Variants in HECW1 observed in about 807,000 individuals in gnomAD.
The protein encoded by HECW1 is HECT, C2 and WW domain containing E3 ubiquitin protein ligase 1.
HECW1 carries 61 observed loss-of-function variants against 182.3 expected under a neutral mutation model. The ratio of observed to expected loss-of-function variants is 0.33; its 90% CI spans 0.27 to 0.41. The LOEUF (loss-of-function observed/expected upper bound fraction) is 0.41, where lower values mean the gene tolerates loss of function less well. HECW1 is among the 10% of genes least tolerant of loss of function. HECW1 has a pLI of 1.00. For missense variants in HECW1, 1,739 were observed against 2,108.9 expected (o/e 0.82, Z 3.44); for synonymous variants, 859 against 832.6 (o/e 1.03, Z -0.55).
At chr7:43,524,623 G>A (rs1462570625) in intron 24 of HECW1, among the ~76,000 whole-genome samples, 2 of 152,188 alleles carry the variant, frequency 1.3e-5, no homozygotes, top group African/African-American at 4.8e-5. Context: ...AGGTAAGTAA[G>A]CAAATACTAA....
At chr7:43,468,275 C>T (rs1040472899) in intron 15 of HECW1, among the ~76,000 whole-genome samples, 2 of 152,174 alleles carry the variant, frequency 1.3e-5, no homozygotes, top group Non-Finnish European at 2.9e-5. Flanking sequence ...TAATGCTCCC[C>T]ATTTTAGACA....
intron 5 of HECW1, among the ~76,000 whole-genome samples, chr7:43,344,803 A>C (rs373127884): frequency 2.0e-5 from 3 of 151,950 alleles, no homozygotes. Flanking sequence ...TGTTAAACCT[A>C]TTCATTGAGT....
chr7:43,262,814 G>GC (rs531319482), intron 3 of HECW1, among the ~76,000 whole-genome samples: 207 of 152,182 alleles, frequency 1.4e-3, no homozygotes, highest in African/African-American at 4.7e-3. Flanking sequence ...TTGTCCATTT[G>GC]CACTTCCACC....
chr7:43,500,469 A>C lies in HECW1; in HGVS notation c.3438-230A>C, dbSNP rs2079301177. On this transcript the variant is annotated intron_variant, in intron 19 of 29. Transcript: ENST00000395891. ...ACTGTCTTAGCTACCTGAGGACCTA[A>C]CTTTGCTGTGTTCCTCAGCTTCTGT... 2.6e-5 allele frequency among the ~76,000 whole-genome samples: 4 copies of C among 152,064 alleles called. No individual in the cohort carries two copies. In the South Asian group the frequency reaches 6.2e-4, roughly 24 times the overall value.
In HECW1 at chr7:43,488,396, A is replaced by AG. The variant is rs1563045294; in HGVS notation, c.3235-3679_3235-3678insG. On this transcript the variant is annotated intron_variant, in intron 17 of 29. Coordinates refer to ENST00000395891, the MANE Select transcript of HECW1 (RefSeq NM_015052.5). ...GAAGGAAGGAAGGAAGGAAGGAAGGAAGGAAATGAAAGAAAGAGAGAGAGA... is the reference window on the plus strand; with the variant it reads ...GAAGGAAGGAAGGAAGGAAGGAAGGAGAGGAAATGAAAGAAAGAGAGAGAGA... Among the ~76,000 whole-genome samples, 161 of 82,732 alleles carry AG rather than the reference A, an allele frequency of 1.9e-3. 6 individuals are homozygous for AG. Among genetic ancestry groups the AG allele is most frequent in the Non-Finnish European group, 3.1e-3 (118 of 38,366 alleles). The allele number at this position is 82,732 out of a possible 152,430, so 54.3% of individuals were successfully genotyped here.
At position 43,509,241 on chromosome 7, in the gene HECW1, G is replaced by A. The variant is rs537266081; in HGVS notation, c.4019+120G>A. Reference sequence around the variant, plus strand: ...GCAGTGGCCAGATGTTATGAGGGATGAGAGTGAATGACAGAGTCCAAGAAG... The same window carrying A: ...GCAGTGGCCAGATGTTATGAGGGATAAGAGTGAATGACAGAGTCCAAGAAG... On this transcript the variant is annotated intron_variant, in intron 24 of 29. Transcript: ENST00000395891. The A allele has an allele frequency of 1.7e-5, 15 of 887,556 alleles. No homozygotes were observed. In the Admixed American group the frequency reaches 2.4e-4, roughly 14 times the overall value. The allele number at this position is 887,556 out of a possible 1,614,324, so 55.0% of individuals were successfully genotyped here.
At chr7:43,518,505 A>AG (rs2080276923) in intron 24 of HECW1, among the ~76,000 whole-genome samples, 1 of 152,152 alleles carries the variant, frequency 6.6e-6, no homozygotes, top group East Asian at 1.9e-4. Context: ...CAAAAAAAAA[A>AG]AACGTATTTG....
chr7:43,257,420 T>A (rs1256259324), intron 3 of HECW1, among the ~76,000 whole-genome samples: 1 of 152,134 alleles, frequency 6.6e-6, no homozygotes, highest in Non-Finnish European at 1.5e-5. Context: ...ACGTAGGCAG[T>A]AAAACAGGGT....
intron 3 of HECW1, among the ~76,000 whole-genome samples, chr7:43,253,118 A>G (rs1800206523): frequency 6.8e-6 from 1 of 148,034 alleles, no homozygotes; most frequent in Non-Finnish European, 1.5e-5. Context: ...CAAGGCTCAA[A>G]CATCCGCACT....
At chr7:43,285,300 T>G (rs1260388269) in intron 3 of HECW1, among the ~76,000 whole-genome samples, 1 of 152,152 alleles carries the variant, frequency 6.6e-6, no homozygotes, top group East Asian at 1.9e-4. Context: ...CACTGGCCAG[T>G]TAAGTCAGAA....
At chr7:43,136,805 A>C (rs745923237) in intron 2 of HECW1, among the ~76,000 whole-genome samples, 13 of 152,120 alleles carry the variant, frequency 8.5e-5, no homozygotes, top group Non-Finnish European at 1.9e-4. Context: ...CTTGGGGAGC[A>C]TTATAGTCAA....
intron 2 of HECW1, among the ~76,000 whole-genome samples, chr7:43,164,955 C>T (rs1790948835): frequency 6.6e-6 from 1 of 152,198 alleles, no homozygotes; most frequent in Non-Finnish European, 1.5e-5. Context: ...AAGGATGAAT[C>T]AGTGGTTTCT....
At chr7:43,306,202 A>C (rs917929841) in intron 3 of HECW1, among the ~76,000 whole-genome samples, 1 of 152,210 alleles carries the variant, frequency 6.6e-6, no homozygotes, top group African/African-American at 2.4e-5. Context: ...TGGCCTTGAT[A>C]ATGTTTTAAT....
chr7:43,562,676 C>T lies in HECW1; in HGVS notation c.*750C>T, dbSNP rs193290357. The T allele has an allele frequency of 1.0e-3, 231 of 225,260 alleles. 1 individual carries two copies. The highest frequency in any genetic ancestry group is 5.0e-3 in the African/African-American group (223 of 44,988). 14.0% of individuals were successfully genotyped at this position (225,260 alleles called of 1,614,324 possible). On this transcript the variant is annotated 3_prime_UTR_variant, in exon 30 of 30. Transcript: ENST00000395891. ...AGAGAAGTTTAGGAGGGGGAGCATCCCTAGTGAATACTCACACCACAAGAA... is the reference window on the plus strand; with the variant it reads ...AGAGAAGTTTAGGAGGGGGAGCATCTCTAGTGAATACTCACACCACAAGAA...
At chr7:43,176,749 A>G (rs931469551) in intron 2 of HECW1, among the ~76,000 whole-genome samples, 2 of 152,236 alleles carry the variant, frequency 1.3e-5, no homozygotes, top group Non-Finnish European at 2.9e-5. Flanking sequence ...ACACTGCTGC[A>G]TGGCGGACTA....
chr7:43,307,557 A>G (rs1807736731), intron 3 of HECW1, among the ~76,000 whole-genome samples: 2 of 152,118 alleles, frequency 1.3e-5, no homozygotes, highest in Non-Finnish European at 2.9e-5. Flanking sequence ...GTGGCCTTTT[A>G]TCCAGGGCTA....
At chr7:43,255,361 G>A (rs147482434) in intron 3 of HECW1, among the ~76,000 whole-genome samples, 27 of 152,304 alleles carry the variant, frequency 1.8e-4, no homozygotes, top group African/African-American at 6.0e-4. Context: ...CACTTTTGGA[G>A]GCTGAGGTGG....
chr7:43,467,311 T>C (rs1316866617), intron 15 of HECW1, among the ~76,000 whole-genome samples: 1 of 151,838 alleles, frequency 6.6e-6, no homozygotes, highest in Non-Finnish European at 1.5e-5. Context: ...GCGGCTGAAT[T>C]GAGTCCTGAA....
intron 2 of HECW1, among the ~76,000 whole-genome samples, chr7:43,209,211 G>A (rs563788595): frequency 2.0e-5 from 3 of 152,084 alleles, no homozygotes; most frequent in South Asian, 2.1e-4. Flanking sequence ...GCCCATGATC[G>A]CCATCGTGGT....
Sources: allele counts gnomAD v4.1 joint callset (sites outside exome capture counted in the v4.1 genomes callset), GRCh38; gene constraint gnomAD v4.1.1; transcripts MANE v1.5; gene names NCBI Gene and HGNC (gene_info 2026-07-23, HGNC 2026-07-21).